Variants in TET1 observed in about 807,000 individuals in gnomAD.
The protein encoded by TET1 is tet methylcytosine dioxygenase 1.
TET1 carries 13 observed loss-of-function variants against 148.7 expected under a neutral mutation model. The ratio of observed to expected loss-of-function variants is 0.09; its 90% CI spans 0.06 to 0.14. The LOEUF is 0.14. Ranked by LOEUF, TET1 falls within the 10% of genes least tolerant of loss-of-function variation. The pLI is 1.00. For synonymous variants in TET1, 907 were observed against 937.2 expected, an observed-to-expected ratio of 0.97 and a Z score of 0.59; for missense variants, 2,182 against 2,553.8, an observed-to-expected ratio of 0.85 and a Z score of 3.14.
At chr10:68,636,495 A>C (rs1052372270) in intron 3 of TET1, among the ~76,000 whole-genome samples, 1 of 152,168 alleles carries the variant, frequency 6.6e-6, no homozygotes, top group African/African-American at 2.4e-5. Context: ...AGGCAGGAGG[A>C]TATCTTTAGC....
chr10:68,655,775 G>A (rs780871470), intron 6 of TET1, among the ~76,000 whole-genome samples: 1 of 152,090 alleles, frequency 6.6e-6, no homozygotes, highest in Non-Finnish European at 1.5e-5. Context: ...TTGGATATCT[G>A]TCTGTGTTGC....
intron 1 of TET1, among the ~76,000 whole-genome samples, chr10:68,563,091 G>T (rs2053571851): frequency 6.6e-6 from 1 of 151,452 alleles, no homozygotes; most frequent in African/African-American, 2.4e-5. Context: ...CTTGTCTTCG[G>T]AAGGACAGTT....
At chr10:68,592,015 T>C (rs2053924145) in intron 2 of TET1, among the ~76,000 whole-genome samples, 1 of 152,132 alleles carries the variant, frequency 6.6e-6, no homozygotes, top group South Asian at 2.1e-4. Flanking sequence ...GGGTGTTTTC[T>C]AGCTTAAAAA....
At chr10:68,571,938 G>A (rs557980704) in intron 1 of TET1, among the ~76,000 whole-genome samples, 21 of 152,194 alleles carry the variant, frequency 1.4e-4, no homozygotes, top group African/African-American at 4.1e-4. Context: ...GCAACATGGC[G>A]AAAACATGTC....
chr10:68,662,909 A>G (rs1231005825), intron 6 of TET1, among the ~76,000 whole-genome samples: 1 of 152,232 alleles, frequency 6.6e-6, no homozygotes, highest in Admixed American at 6.5e-5. Context: ...TGACATAGTG[A>G]GACACTGTCT....
chr10:68,594,910 C>T (rs1018666383), intron 2 of TET1, among the ~76,000 whole-genome samples: 2 of 147,408 alleles, frequency 1.4e-5, no homozygotes, highest in African/African-American at 5.0e-5. Flanking sequence ...ACCCGGGAGG[C>T]GGAGGTTGCA....
intron 3 of TET1, among the ~76,000 whole-genome samples, chr10:68,623,435 GTAGT>G (rs1248297121): frequency 3.9e-5 from 6 of 152,304 alleles, no homozygotes; most frequent in African/African-American, 1.2e-4. Context: ...CTGTTTCGAG[GTAGT>G]TAGTTTCCTG....
At chr10:68,661,749 T>C (rs2133155634) in intron 6 of TET1, among the ~76,000 whole-genome samples, 1 of 152,188 alleles carries the variant, frequency 6.6e-6, no homozygotes, top group African/African-American at 2.4e-5. Context: ...CCTCTCAATG[T>C]GTTGGGGTTA....
intron 3 of TET1, among the ~76,000 whole-genome samples, chr10:68,644,243 C>T (rs868446410): frequency 3.2e-4 from 48 of 152,172 alleles, no homozygotes; most frequent in Middle Eastern, 6.8e-3. Flanking sequence ...ACTTTGTCAC[C>T]CAGGCTGGAG....
At chr10:68,595,609 C>CTTTTTT (rs1564958558) in intron 2 of TET1, among the ~76,000 whole-genome samples, 3 of 89,378 alleles carry the variant, frequency 3.4e-5, no homozygotes, top group African/African-American at 1.0e-4. Flanking sequence ...ACACACACAG[C>CTTTTTT]TTCTTTTTTT....
chr10:68,578,735 C>T (rs954357960), intron 2 of TET1, among the ~76,000 whole-genome samples: 2 of 151,994 alleles, frequency 1.3e-5, no homozygotes, highest in African/African-American at 4.8e-5. Flanking sequence ...GTGACGGATA[C>T]ACATGGGGGA....
intron 2 of TET1, among the ~76,000 whole-genome samples, chr10:68,579,818 G>A (rs1324867319): frequency 6.6e-6 from 1 of 152,006 alleles, no homozygotes; most frequent in South Asian, 2.1e-4. Flanking sequence ...AGCAGTATAC[G>A]ACTGCATACA....
chr10:68,693,773 C>G lies in TET1; in HGVS notation c.*1959C>G, dbSNP rs1342010984. The stretch of plus-strand genomic sequence containing the variant: ...CAACAAGATATTTACTAGTATTAGA[C>G]TATCAGGAATACACCCTTGCGAGAT... On this transcript the variant is annotated 3_prime_UTR_variant, in exon 12 of 12. Transcript: ENST00000373644. 4.3e-6 allele frequency: 1 copy of G among 231,420 alleles called. No homozygotes were observed. The highest frequency in any genetic ancestry group is 8.5e-6 in the Non-Finnish European group (1 of 117,104). 14.3% of individuals were successfully genotyped at this position (231,420 alleles called of 1,614,324 possible).
At chr10:68,670,567 T>A (rs1396486429) in intron 7 of TET1, among the ~76,000 whole-genome samples, 1 of 152,262 alleles carries the variant, frequency 6.6e-6, no homozygotes, top group African/African-American at 2.4e-5. Flanking sequence ...CTCTTCTAGA[T>A]CTCACAACTT....
At chr10:68,613,642 A>C (rs2132935402) in intron 3 of TET1, among the ~76,000 whole-genome samples, 2 of 152,298 alleles carry the variant, frequency 1.3e-5, no homozygotes, top group East Asian at 3.9e-4. Context: ...CACTCACAAA[A>C]ACACTACTGG....
intron 3 of TET1, among the ~76,000 whole-genome samples, chr10:68,602,676 T>A: frequency 6.6e-6 from 1 of 152,204 alleles, no homozygotes; most frequent in East Asian, 1.9e-4. Flanking sequence ...GGTAGTGGAC[T>A]CTGGCTTAAA....
At chr10:68,657,074 A>G (rs1589116871) in intron 6 of TET1, among the ~76,000 whole-genome samples, 1 of 151,708 alleles carries the variant, frequency 6.6e-6, no homozygotes, top group South Asian at 2.1e-4. Flanking sequence ...TCATTTCTGT[A>G]TATCTGTAAT....
rs373352190 is a variant in TET1 at position 68,626,096 on chromosome 10, AAG to A, written c.1969-18600_1969-18599del. Among the ~76,000 whole-genome samples, 545 of 93,612 alleles carry A rather than the reference AAG, an allele frequency of 5.8e-3. 12 individuals are homozygous for A. Among genetic ancestry groups the A allele is most frequent in the African/African-American group, 0.018 (473 of 26,810 alleles). The allele number at this position is 93,612 out of a possible 152,430, so 61.4% of individuals were successfully genotyped here. ...AAGAACGAGACCCTATCTCAAAAAA[AAG>A]AAAAAAAAAAAGAAAAGAAAAAGAA... On this transcript the variant is annotated intron_variant, in intron 3 of 11. Transcript: ENST00000373644.
rs553591899 is a variant in TET1, at chr10:68,597,030, A to ATTTTTTTTTTTTTTTTTTTTTTTTTT, written c.1915-3930_1915-3929insTTTTTTTTTTTTTTTTTTTTTTTTTT. Reference sequence around the variant, plus strand: ...ATTTTCATGATCACACAGCTAATGGATTTTTTTTTTTTTTTTTTTTTGAGA... The same window carrying ATTTTTTTTTTTTTTTTTTTTTTTTTT: ...ATTTTCATGATCACACAGCTAATGGATTTTTTTTTTTTTTTTTTTTTTTTTTTTTTTTTTTTTTTTTTTTTTTGAGA... On this transcript the variant is annotated intron_variant, in intron 2 of 11. Coordinates refer to ENST00000373644, the MANE Select transcript of TET1 (RefSeq NM_030625.3). Among the ~76,000 whole-genome samples, 46 of 98,874 alleles carry ATTTTTTTTTTTTTTTTTTTTTTTTTT rather than the reference A, an allele frequency of 4.7e-4. 3 individuals are homozygous for ATTTTTTTTTTTTTTTTTTTTTTTTTT. Among genetic ancestry groups the ATTTTTTTTTTTTTTTTTTTTTTTTTT allele is most frequent in the Admixed American group, 5.6e-4 (5 of 8,998 alleles). The allele number at this position is 98,874 out of a possible 152,430, so 64.9% of individuals were successfully genotyped here.
Sources: allele counts gnomAD v4.1 joint callset (sites outside exome capture counted in the v4.1 genomes callset), GRCh38; gene constraint gnomAD v4.1.1; transcripts MANE v1.5; gene names NCBI Gene and HGNC (gene_info 2026-07-23, HGNC 2026-07-21).